The following PIK3C2G variants were observed in gnomAD, a reference collection of about 807,000 sequenced individuals.
The protein encoded by PIK3C2G is phosphatidylinositol 3-kinase C2 domain-containing subunit gamma.
PIK3C2G carries 168 observed loss-of-function variants against 181.1 expected under a neutral mutation model. The observed-to-expected ratio is 0.93, with a 90% CI of 0.82 to 1.05. PIK3C2G has a LOEUF of 1.05. PIK3C2G is among the 50% of genes least tolerant of loss of function. The pLI is 0.00. For missense variants in PIK3C2G, 1,869 were observed against 1,732.8 expected (o/e 1.08, Z -1.40); for synonymous variants, 573 against 592.2 (o/e 0.97, Z 0.47).
chr12:18,612,587 T>A (rs1948399766), intron 31 of PIK3C2G, among the ~76,000 whole-genome samples: 2 of 152,146 alleles, frequency 1.3e-5, no homozygotes, highest in Admixed American at 1.3e-4. Context: ...CTTTAAATGA[T>A]TATTTTGTTT....
At chr12:18,382,874 C>T (rs752462014) in intron 14 of PIK3C2G, among the ~76,000 whole-genome samples, 22 of 151,928 alleles carry the variant, frequency 1.4e-4, no homozygotes, top group Admixed American at 9.8e-4. Context: ...GAGAAAGATG[C>T]GCAGAAAAAT....
intron 29 of PIK3C2G, among the ~76,000 whole-genome samples, chr12:18,573,062 T>C (rs1417149406): frequency 2.0e-5 from 3 of 152,328 alleles, no homozygotes; most frequent in East Asian, 3.9e-4. Context: ...ATGATTCTAA[T>C]GTGTAATGTT....
At chr12:18,526,872 G>A (rs899110671) in intron 24 of PIK3C2G, among the ~76,000 whole-genome samples, 6 of 151,964 alleles carry the variant, frequency 3.9e-5, no homozygotes, top group Admixed American at 2.6e-4. Flanking sequence ...TTACCTCATC[G>A]TTCTACTGTT....
intron 18 of PIK3C2G, among the ~76,000 whole-genome samples, chr12:18,439,711 ACT>A (rs1946637048): frequency 6.6e-6 from 1 of 152,062 alleles, no homozygotes; most frequent in African/African-American, 2.4e-5. Context: ...TCATTTCCTT[ACT>A]GCTAGTGCTA....
At chr12:18,298,575 T>G (rs140960202) in intron 5 of PIK3C2G, among the ~76,000 whole-genome samples, 1 of 151,862 alleles carries the variant, frequency 6.6e-6, no homozygotes, top group Non-Finnish European at 1.5e-5. Flanking sequence ...TGTATTTTTG[T>G]TTTTGTTGCC....
chr12:18,656,498 G>A, the PIK3C2G span, among the ~76,000 whole-genome samples: 70 of 152,248 alleles, frequency 4.6e-4, no homozygotes, highest in African/African-American at 1.5e-3. Context: ...CCAGGAGAAG[G>A]AGGTTGCAGT....
At chr12:18,459,341 C>A (rs942634374) in intron 18 of PIK3C2G, among the ~76,000 whole-genome samples, 5 of 152,138 alleles carry the variant, frequency 3.3e-5, no homozygotes, top group Non-Finnish European at 7.3e-5. Context: ...AAGTCTAAGG[C>A]ATTTAGAAAA....
At chr12:18,608,264 T>G in intron 30 of PIK3C2G, among the ~76,000 whole-genome samples, 1 of 152,064 alleles carries the variant, frequency 6.6e-6, no homozygotes, top group Non-Finnish European at 1.5e-5. Flanking sequence ...ACACGTATGT[T>G]TATTGCGGCA....
chr12:18,436,882 C>T lies in PIK3C2G; in HGVS notation c.2504+12843C>T, dbSNP rs11044114. ...GAGTTGTTTTGTACTGATTTAAAAA[C>T]GATGTTTATTTTAACCCTGATTGAA... On this transcript the variant is annotated intron_variant, in intron 18 of 32. Coordinates refer to ENST00000538779, the MANE Select transcript of PIK3C2G (RefSeq NM_001288772.2). Among the ~76,000 whole-genome samples, 1,149 of 152,002 alleles carry T rather than the reference C, an allele frequency of 7.6e-3. 8 individuals carry two copies. The highest frequency in any genetic ancestry group is 0.013 in the Non-Finnish European group (884 of 67,864).
intron 25 of PIK3C2G, among the ~76,000 whole-genome samples, chr12:18,543,618 T>A (rs1419576425): frequency 1.3e-5 from 2 of 152,010 alleles, no homozygotes; most frequent in Non-Finnish European, 2.9e-5. Flanking sequence ...GGCTAGCCAG[T>A]TATCCCAACA....
chr12:18,726,216 T>C, the PIK3C2G span, among the ~76,000 whole-genome samples: 1 of 152,120 alleles, frequency 6.6e-6, no homozygotes, highest in Non-Finnish European at 1.5e-5. Flanking sequence ...TCCCAGAAGA[T>C]ATGCAAAATC....
intron 11 of PIK3C2G, among the ~76,000 whole-genome samples, chr12:18,360,108 T>A (rs1157892293): frequency 6.6e-5 from 10 of 152,096 alleles, no homozygotes; most frequent in Admixed American, 6.6e-4. Flanking sequence ...CTTGCTTTGA[T>A]TTTTTTCGTA....
chr12:18,517,594 C>CAAAATCCTG (rs1304700804), intron 24 of PIK3C2G, among the ~76,000 whole-genome samples: 1 of 152,074 alleles, frequency 6.6e-6, no homozygotes, highest in Non-Finnish European at 1.5e-5. Context: ...TATCCTGAGA[C>CAAAATCCTG]TTTGCTGAAG....
At chr12:18,716,781 T>G in the PIK3C2G span, among the ~76,000 whole-genome samples, 1 of 152,350 alleles carries the variant, frequency 6.6e-6, no homozygotes, top group Non-Finnish European at 1.5e-5. Flanking sequence ...TAATTTTTGT[T>G]GTAACTTATT....
chr12:18,627,980 C>G (rs1333613626), intron 31 of PIK3C2G, among the ~76,000 whole-genome samples: 1 of 152,166 alleles, frequency 6.6e-6, no homozygotes, highest in Non-Finnish European at 1.5e-5. Flanking sequence ...GATTAATCTA[C>G]AGAAGTTTCC....
downstream of PIK3C2G, among the ~76,000 whole-genome samples, chr12:18,648,990 T>C (rs367648730): frequency 9.2e-5 from 14 of 152,270 alleles, no homozygotes; most frequent in Middle Eastern, 3.4e-3. Context: ...CTATATCATA[T>C]GAGCATGTAA....
chr12:18,619,976 G>A lies in PIK3C2G; in HGVS notation c.4182+10347G>A, dbSNP rs146807270. ...CCTGACCTCGTGATCCGCCCACCAC[G>A]GCCTCCCAAAGTGCTGGGATTACAG... On this transcript the variant is annotated intron_variant, in intron 31 of 32. Coordinates refer to ENST00000538779, the MANE Select transcript of PIK3C2G (RefSeq NM_001288772.2). Among the ~76,000 whole-genome samples, 1,086 of 151,982 alleles carry A rather than the reference G, an allele frequency of 7.1e-3. 7 individuals are homozygous for A. Among genetic ancestry groups the A allele is most frequent in the African/African-American group, 0.01 (415 of 41,462 alleles).
At chr12:18,615,375 G>GTA (rs148196099) in intron 31 of PIK3C2G, among the ~76,000 whole-genome samples, 28,181 of 89,224 alleles carry the variant, frequency 0.32, 2,903 homozygotes, top group East Asian at 0.57. Context: ...GTGTGTATGT[G>GTA]TATATATATA....
chr12:18,637,008 A>C (rs953896862), intron 31 of PIK3C2G, among the ~76,000 whole-genome samples: 1 of 152,146 alleles, frequency 6.6e-6, no homozygotes, highest in Non-Finnish European at 1.5e-5. Context: ...GAGAATCCAC[A>C]GGGCCCACTG....
Sources: allele counts gnomAD v4.1 joint callset (sites outside exome capture counted in the v4.1 genomes callset), GRCh38; gene constraint gnomAD v4.1.1; transcripts MANE v1.5; gene names NCBI Gene and HGNC (gene_info 2026-07-23, HGNC 2026-07-21).